MYH7B: variants seen among roughly 807,000 people sequenced by gnomAD.
The protein encoded by MYH7B is myosin-7B.
In MYH7B, 205 loss-of-function variants were observed where a neutral mutation model predicts 234.5. The ratio of observed to expected loss-of-function variants is 0.87; its 90% confidence interval spans 0.78 to 0.98. MYH7B has a LOEUF of 0.98. MYH7B is among the 50% of genes least tolerant of loss of function. The pLI, the probability that MYH7B is intolerant of heterozygous loss-of-function variation, is 0.00. For missense variants in MYH7B, 2,652 were observed against 2,633.4 expected, an observed-to-expected ratio of 1.01 and a Z score of -0.15; for synonymous variants, 1,193 against 1,105.0, an observed-to-expected ratio of 1.08 and a Z score of -1.58.
intron 19 of MYH7B, 28 bp from the exon 20 acceptor site, chr20:34,989,712 T>G: frequency 6.2e-7 from 1 of 1,603,094 alleles, no homozygotes; most frequent in Non-Finnish European, 8.5e-7. Flanking sequence ...GGCTTGATGG[T>G]GGCTTTTCAA....
chr20:34,988,270 C>G lies in MYH7B; in HGVS notation c.1587+8C>G. 6.2e-7 allele frequency: 1 copy of G among 1,607,776 alleles called. No individual in the cohort carries two copies. Among genetic ancestry groups the G allele is most frequent in the Non-Finnish European group, 8.5e-7 (1 of 1,175,362 alleles). On this transcript the variant is annotated splice_region_variant and intron_variant, in intron 19 of 44. Coordinates refer to ENST00000262873, the Ensembl canonical transcript of MYH7B. ...ATCGACCTCATCGAGAAGGTGGGTG[C>G]CGCGGCAAGGTCACTTTGAGGAAGG...
rs565562564 is a variant in MYH7B at position 34,960,524 on chromosome 20, C to T, written c.-222+2312C>T. Among the ~76,000 whole-genome samples the T allele has an allele frequency of 7.5e-4, 115 of 152,356 alleles. 1 individual carries two copies. The highest frequency in any genetic ancestry group is 2.5e-3 in the African/African-American group (104 of 41,588). On this transcript the variant is annotated intron_variant, in intron 2 of 44. Coordinates refer to ENST00000262873, the Ensembl canonical transcript of MYH7B. ...TGCTGGGATTACAGGCGGGAGCCAC[C>T]GCACCCAGCCACTGGACTGTGCCTT...
chr20:34,996,499 C>T (rs372855662), exon 29 of MYH7B: 34 of 1,611,150 alleles, frequency 2.1e-5, no homozygotes, highest in Middle Eastern at 1.7e-4. Flanking sequence ...GGCCAAGCTC[C>T]GGCTGGAGCA....
At chr20:34,980,148 G>GGGTGT (rs1346623920) in intron 7 of MYH7B, 1 of 389,596 alleles carries the variant, frequency 2.6e-6, no homozygotes. Flanking sequence ...CGGCCACAGA[G>GGGTGT]GGTGTGGTGT....
intron 37 of MYH7B, 34 bp from the exon 38 acceptor site, chr20:34,999,757 C>A (rs376071707): frequency 6.5e-5 from 86 of 1,319,294 alleles, no homozygotes; most frequent in African/African-American, 2.7e-4. Flanking sequence ...CCATCCCCCC[C>A]CCCCACCCTA....
chr20:34,997,201 TG>T, intron 31 of MYH7B, 28 bp downstream of exon 31: 1 of 1,551,778 alleles, frequency 6.4e-7, no homozygotes, highest in South Asian at 1.2e-5. Flanking sequence ...GGGTGAGGCC[TG>T]GGGTCAGAGG....
chr20:34,984,921 T>G (rs1203853603), exon 12 of MYH7B: 2 of 1,613,936 alleles, frequency 1.2e-6, no homozygotes, highest in Non-Finnish European at 1.7e-6. Context: ...GCCAAGACCC[T>G]GAGGAATGAT....
At chr20:34,968,408 G>T (rs1041272857) in intron 2 of MYH7B, among the ~76,000 whole-genome samples, 1 of 152,200 alleles carries the variant, frequency 6.6e-6, no homozygotes, top group Non-Finnish European at 1.5e-5. Context: ...GTGGAATAAG[G>T]TTATGCCTGT....
intron 13 of MYH7B, 101 bp from the exon 14 acceptor site, chr20:34,985,999 C>G (rs1027155014): frequency 4.9e-6 from 5 of 1,021,828 alleles, no homozygotes; most frequent in Non-Finnish European, 7.4e-6. Flanking sequence ...TGCAGCCCCC[C>G]TGCACACTCC....
At chr20:34,997,617 G>A (rs1405182952) in exon 32 of MYH7B, 1 of 1,613,548 alleles carries the variant, frequency 6.2e-7, no homozygotes, top group Non-Finnish European at 8.5e-7. Flanking sequence ...GGCTGCCAAC[G>A]TGGAGACTCT....
chr20:34,994,076 C>G, intron 26 of MYH7B, 70 bp from the exon 27 acceptor site: 1 of 1,565,882 alleles, frequency 6.4e-7, no homozygotes, highest in Non-Finnish European at 8.7e-7. Flanking sequence ...AACAAGTGAA[C>G]TGTGCTGAGT....
At chr20:34,987,458 C>A in intron 16 of MYH7B, 99 bp from the exon 17 acceptor site, 3 of 1,407,462 alleles carry the variant, frequency 2.1e-6, no homozygotes, top group Non-Finnish European at 2.9e-6. Context: ...TGAACTTGAC[C>A]CCTCTTAACT....
chr20:34,960,053 A>G (rs531309752), intron 2 of MYH7B, among the ~76,000 whole-genome samples: 116 of 152,192 alleles, frequency 7.6e-4, no homozygotes, highest in Non-Finnish European at 1.3e-3. Flanking sequence ...CAGACTTCCC[A>G]AAGCTAACTG....
At chr20:34,987,658 G>A (rs1490035894) in exon 17 of MYH7B, 1 of 1,613,294 alleles carries the variant, frequency 6.2e-7, no homozygotes, top group South Asian at 1.1e-5. Flanking sequence ...CGTGACCAAG[G>A]GCCAGAGTGT....
exon 19 of MYH7B, chr20:34,988,200 A>T: frequency 6.2e-7 from 1 of 1,614,186 alleles, no homozygotes; most frequent in Non-Finnish European, 8.5e-7. Flanking sequence ...GCGGGAGGGC[A>T]TCGACTGGGT....
exon 24 of MYH7B, chr20:34,991,028 T>C: frequency 6.2e-7 from 1 of 1,613,546 alleles, no homozygotes; most frequent in Non-Finnish European, 8.5e-7. Context: ...TTCTTGGTGC[T>C]ACACCAGCTG....
exon 20 of MYH7B, chr20:34,989,915 G>C: frequency 6.2e-7 from 1 of 1,614,026 alleles, no homozygotes; most frequent in Non-Finnish European, 8.5e-7. Flanking sequence ...CACTACGCAG[G>C]CGTGGTAGGT....
intron 2 of MYH7B, among the ~76,000 whole-genome samples, chr20:34,971,014 G>A (rs1029699307): frequency 1.3e-5 from 2 of 152,162 alleles, no homozygotes; most frequent in Admixed American, 6.5e-5. Context: ...CCTCAGCCCA[G>A]CTCAGGTCTT....
chr20:34,996,278 G>C, intron 28 of MYH7B, 68 bp from the exon 29 acceptor site: 1 of 1,519,206 alleles, frequency 6.6e-7, no homozygotes, highest in Non-Finnish European at 8.9e-7. Context: ...GCTCTGACCT[G>C]GTGTGGTGTG....
Sources: allele counts gnomAD v4.1 joint callset (sites outside exome capture counted in the v4.1 genomes callset), GRCh38; gene constraint gnomAD v4.1.1; transcripts MANE v1.5; gene names NCBI Gene and HGNC (gene_info 2026-07-23, HGNC 2026-07-21).